DIAPH1: variants seen among roughly 807,000 people sequenced by gnomAD.
DIAPH1 encodes protein diaphanous homolog 1.
DIAPH1 carries 46 observed loss-of-function variants against 140.7 expected under a neutral mutation model. That is an observed-to-expected ratio of 0.33 (90% CI 0.26 to 0.42). The LOEUF is 0.42. Among genes scored for constraint, DIAPH1 ranks in the 10% least tolerant of loss-of-function variants. The pLI is 1.00. For synonymous variants in DIAPH1, 565 were observed against 551.6 expected (o/e 1.02, Z -0.34); for missense variants, 1,310 against 1,558.7 (o/e 0.84, Z 2.69).
chr5:141,550,299 A>G (rs1403980579), intron 18 of DIAPH1, among the ~76,000 whole-genome samples: 1 of 152,202 alleles, frequency 6.6e-6, no homozygotes, highest in Admixed American at 6.5e-5. Context: ...GGACACGTTA[A>G]GGTCACAAAA....
At chr5:141,577,646 G>C (rs1596383118) in intron 11 of DIAPH1, 55 bp from the exon 12 acceptor site, 23 of 1,168,882 alleles carry the variant, frequency 2.0e-5, no homozygotes, top group South Asian at 2.0e-4. Context: ...ATGTTTGACA[G>C]GTGGCTTATT....
Position 141,608,327 on chromosome 5 carries a change from T to C in DIAPH1, c.117+10471A>G, listed in dbSNP as rs557693198. On this transcript the variant is annotated intron_variant, in intron 1 of 27. Coordinates refer to ENST00000389054, the MANE Select transcript of DIAPH1 (RefSeq NM_005219.5). ...TCTTAAAAAATAAAAAATAAAGGGG[T>C]TGAATTAGATAATTCTTAGCATCCT... Among the ~76,000 whole-genome samples, 12 of 152,232 alleles carry C rather than the reference T, an allele frequency of 7.9e-5. No individual in the cohort carries two copies. The South Asian group carries it at 1.0e-3, about 13-fold the overall frequency.
At chr5:141,577,907 C>G in intron 11 of DIAPH1, 1 of 508,230 alleles carries the variant, frequency 2.0e-6, no homozygotes. Context: ...CTAAATTACT[C>G]CCTCTGTCAG....
intron 18 of DIAPH1, among the ~76,000 whole-genome samples, chr5:141,540,997 T>C (rs2099889884): frequency 6.6e-6 from 1 of 152,050 alleles, no homozygotes; most frequent in Admixed American, 6.5e-5. Flanking sequence ...GAGGGGGAAG[T>C]TGCAATGAGC....
intron 1 of DIAPH1, among the ~76,000 whole-genome samples, chr5:141,614,798 T>C (rs2099902408): frequency 7.3e-6 from 1 of 137,514 alleles, no homozygotes; most frequent in Non-Finnish European, 1.5e-5. Flanking sequence ...TATATAATCC[T>C]TGCGTTCATC....
intron 1 of DIAPH1, among the ~76,000 whole-genome samples, chr5:141,598,308 T>C (rs920880565): frequency 2.6e-5 from 4 of 152,204 alleles, no homozygotes; most frequent in Non-Finnish European, 4.4e-5. Context: ...TTTTATGCAA[T>C]AGAATTAGAT....
intron 1 of DIAPH1, among the ~76,000 whole-genome samples, chr5:141,617,095 G>T (rs2154597503): frequency 1.3e-5 from 2 of 152,284 alleles, no homozygotes; most frequent in South Asian, 4.1e-4. Flanking sequence ...GAATTTGGGT[G>T]AGGAAGGTCA....
chr5:141,572,729 C>A (rs572390459), intron 16 of DIAPH1, among the ~76,000 whole-genome samples: 6 of 149,028 alleles, frequency 4.0e-5, no homozygotes, highest in African/African-American at 1.5e-4. Flanking sequence ...GATTATGCCA[C>A]TGCACTCCAG....
At chr5:141,578,190 C>T (rs777413055) in intron 11 of DIAPH1, 35 bp downstream of exon 11, 6 of 1,462,500 alleles carry the variant, frequency 4.1e-6, no homozygotes, top group Non-Finnish European at 5.8e-6. Context: ...CAATGAATGT[C>T]TCATCTGCCT....
chr5:141,574,589 A>C (rs1311159061), intron 15 of DIAPH1, among the ~76,000 whole-genome samples: 1 of 152,248 alleles, frequency 6.6e-6, no homozygotes, highest in Admixed American at 6.5e-5. Flanking sequence ...AAGATCATTT[A>C]AGTATTTACT....
At chr5:141,520,834 G>T (rs946995678) in intron 27 of DIAPH1, among the ~76,000 whole-genome samples, 2 of 152,162 alleles carry the variant, frequency 1.3e-5, no homozygotes, top group African/African-American at 4.8e-5. Flanking sequence ...CCTGGACTTG[G>T]AGTCACAAAA....
At position 141,527,462 on chromosome 5, in the gene DIAPH1, T is replaced by C. The variant is rs922751417; in HGVS notation, c.3273+111A>G. 1.6e-5 allele frequency: 20 copies of C among 1,234,632 alleles called. No homozygotes were observed. In the African/African-American group the frequency reaches 3.1e-4, roughly 19 times the overall value. 76.5% of individuals were successfully genotyped at this position (1,234,632 alleles called of 1,614,324 possible). On this transcript the variant is annotated intron_variant, in intron 24 of 27. Transcript: ENST00000389054. The stretch of plus-strand genomic sequence containing the variant: ...AACTATGTATTTAAAGAAAAAGAGT[T>C]TTTTAAGAGAAAAAAATTGCATACT...
At chr5:141,524,594 T>A in intron 26 of DIAPH1, 1 of 350,386 alleles carries the variant, frequency 2.9e-6, no homozygotes, top group African/African-American at 2.1e-5. Flanking sequence ...ACTATATCAC[T>A]CCCTTTTATC....
Position 141,574,993 on chromosome 5 carries a change from C to T in DIAPH1, c.1615G>A (p.Ala539Thr). The T allele has an allele frequency of 6.2e-7, 1 of 1,614,184 alleles. No individual in the cohort carries two copies. ...QIATEKQDLE[A>T]EVSQLTGEVA... ...TCTCCTGTGAGCTGGGACACCTCTG[C>T]TTCCAGGTCCTGTTTCTCTGTGGCA... Residue 539 changes from alanine to threonine, a missense_variant, in exon 15 of 28, where the codon GCA (alanine) becomes ACA (threonine). Transcript: ENST00000389054.
chr5:141,578,487 G>A (rs759931045), intron 10 of DIAPH1, 28 bp downstream of exon 10: 1 of 1,580,742 alleles, frequency 6.3e-7, no homozygotes, highest in East Asian at 2.2e-5. Context: ...AACCAGTCTA[G>A]CCTTTCTAAT....
chr5:141,601,276 G>GAA (rs1172963368), intron 1 of DIAPH1, among the ~76,000 whole-genome samples: 5 of 129,916 alleles, frequency 3.8e-5, no homozygotes, highest in African/African-American at 5.6e-5. Context: ...CTTAGACACA[G>GAA]AAAAAAAAAA....
chr5:141,542,935 T>C (rs530473555), intron 18 of DIAPH1, among the ~76,000 whole-genome samples: 11 of 152,322 alleles, frequency 7.2e-5, no homozygotes, highest in Non-Finnish European at 1.3e-4. Flanking sequence ...GATTGTATAT[T>C]AGATAACAGT....
chr5:141,571,408 A>C lies in DIAPH1; in HGVS notation c.2482+20T>G. ...CTAATATTCAAGAGACCAAACTAAAAGGCTCTTTTGTATTCTTACCTTTGG... is the reference window on the plus strand; with the variant it reads ...CTAATATTCAAGAGACCAAACTAAACGGCTCTTTTGTATTCTTACCTTTGG... On this transcript the variant is annotated intron_variant, in intron 18 of 27. Coordinates refer to ENST00000389054, the MANE Select transcript of DIAPH1 (RefSeq NM_005219.5). 6 of 1,598,410 alleles carry C rather than the reference A, an allele frequency of 3.8e-6. No individual in the cohort carries two copies. The highest frequency in any genetic ancestry group is 5.1e-6 in the Non-Finnish European group (6 of 1,171,580).
intron 1 of DIAPH1, among the ~76,000 whole-genome samples, chr5:141,600,274 T>C (rs1350509160): frequency 2.6e-5 from 4 of 152,284 alleles, no homozygotes; most frequent in South Asian, 2.1e-4. Context: ...GGCAAACAAT[T>C]TGAATGAACC....
Sources: allele counts gnomAD v4.1 joint callset (sites outside exome capture counted in the v4.1 genomes callset), GRCh38; gene constraint gnomAD v4.1.1; transcripts MANE v1.5; gene names NCBI Gene and HGNC (gene_info 2026-07-23, HGNC 2026-07-21).